ITGA8: variants seen among roughly 807,000 people sequenced by gnomAD.
The protein encoded by ITGA8 is integrin subunit alpha 8, also known as integrin alpha-8.
A neutral mutation model predicts 142.3 loss-of-function variants in ITGA8; 91 were observed. That is an observed-to-expected ratio of 0.64 (90% CI 0.54 to 0.76). ITGA8 has a LOEUF of 0.76. Ranked by LOEUF, ITGA8 falls within the 30% of genes least tolerant of loss-of-function variation. The pLI is 0.00. For synonymous variants in ITGA8, 505 were observed against 485.2 expected (o/e 1.04, Z -0.54); for missense variants, 1,406 against 1,327.7 (o/e 1.06, Z -0.92).
At chr10:15,631,451 C>A (rs920304751) in intron 13 of ITGA8, among the ~76,000 whole-genome samples, 1 of 151,842 alleles carries the variant, frequency 6.6e-6, no homozygotes, top group African/African-American at 2.4e-5. Flanking sequence ...TCATTCCTAG[C>A]AAACTAACAC....
chr10:15,541,659 A>T (rs1344790252), intron 27 of ITGA8, among the ~76,000 whole-genome samples: 2 of 152,204 alleles, frequency 1.3e-5, no homozygotes, highest in African/African-American at 2.4e-5. Flanking sequence ...CAGGTGATAC[A>T]AGGGCTGGGA....
rs543040708 is a variant in ITGA8, at chr10:15,552,627, T to G, written c.2767-4059A>C. ...GTATACATGTGCCATGGTGGTTTGC[T>G]GCACCTATCAACCCGTCATCTACAT... On this transcript the variant is annotated intron_variant, in intron 26 of 29. Coordinates refer to ENST00000378076, the MANE Select transcript of ITGA8 (RefSeq NM_003638.3). Among the ~76,000 whole-genome samples, 3 of 152,318 alleles carry G rather than the reference T, an allele frequency of 2.0e-5. No individual in the cohort carries two copies. The South Asian group carries it at 6.2e-4, about 32-fold the overall frequency.
chr10:15,538,404 T>C (rs7083592), intron 27 of ITGA8, among the ~76,000 whole-genome samples: 29,985 of 150,392 alleles, frequency 0.2, 4,003 homozygotes, highest in African/African-American at 0.38. Context: ...CCCAGCTACT[T>C]GGGAGGCTGA....
At chr10:15,626,197 T>C (rs1053456853) in intron 13 of ITGA8, among the ~76,000 whole-genome samples, 54 of 152,292 alleles carry the variant, frequency 3.5e-4, no homozygotes, top group Admixed American at 1.9e-3. Context: ...TAAAATCCAG[T>C]GCACTCTGGA....
intron 13 of ITGA8, among the ~76,000 whole-genome samples, chr10:15,616,968 T>C (rs933984174): frequency 2.6e-5 from 4 of 152,216 alleles, no homozygotes; most frequent in African/African-American, 7.2e-5. Flanking sequence ...AGGAAGGGTA[T>C]TAACCCAGAA....
chr10:15,530,540 T>TTAA (rs1833267140), intron 28 of ITGA8, among the ~76,000 whole-genome samples: 1 of 1,732 alleles, frequency 5.8e-4, no homozygotes, highest in African/African-American at 1.5e-3. Context: ...AGCGAGACTC[T>TTAA]CAAAAAAAAA....
In ITGA8 at chr10:15,514,169, G is replaced by A. The variant is rs914378030; in HGVS notation, c.*2989C>T. On this transcript the variant is annotated 3_prime_UTR_variant, in exon 30 of 30. Coordinates refer to ENST00000378076, the MANE Select transcript of ITGA8 (RefSeq NM_003638.3). ...ATTGTGTCTTAAAACCCAGCTGCAAGAATTTAAAAAGGGAATTCTTTGAAG... is the reference window on the plus strand; with the variant it reads ...ATTGTGTCTTAAAACCCAGCTGCAAAAATTTAAAAAGGGAATTCTTTGAAG... 3.9e-5 allele frequency: 6 copies of A among 152,102 alleles called. No individual in the cohort carries two copies. The East Asian group carries it at 1.2e-3, about 29-fold the overall frequency. 9.4% of individuals were successfully genotyped at this position (152,102 alleles called of 1,614,324 possible). A position where few individuals can be genotyped will look rare whatever the true frequency, so the allele number is the denominator to read the frequency against.
chr10:15,711,576 G>T (rs369851444), intron 2 of ITGA8, among the ~76,000 whole-genome samples: 2 of 151,678 alleles, frequency 1.3e-5, no homozygotes, highest in African/African-American at 2.4e-5. Context: ...GTGATCTACA[G>T]CATCATGGGT....
In ITGA8 at chr10:15,715,105, G is replaced by A. The variant is rs557374331; in HGVS notation, c.343+3661C>T. ...CAGAGAACTTTTCTTCCTTTTTTTCGGGGGAGAACAGTACGTTACTGGCAC... is the reference window on the plus strand; with the variant it reads ...CAGAGAACTTTTCTTCCTTTTTTTCAGGGGAGAACAGTACGTTACTGGCAC... On this transcript the variant is annotated intron_variant, in intron 2 of 29. Coordinates refer to ENST00000378076, the MANE Select transcript of ITGA8 (RefSeq NM_003638.3). 7.9e-5 allele frequency among the ~76,000 whole-genome samples: 12 copies of A among 151,774 alleles called. No homozygotes were observed. The South Asian group carries it at 1.7e-3, about 21-fold the overall frequency.
chr10:15,697,052 C>CACACACACAA (rs1446719537), intron 2 of ITGA8, among the ~76,000 whole-genome samples: 20 of 151,638 alleles, frequency 1.3e-4, no homozygotes, highest in Middle Eastern at 3.4e-3. Context: ...CTAAAACACA[C>CACACACACAA]ACACACACAC....
chr10:15,602,736 T>TG (rs1564369879), intron 20 of ITGA8, among the ~76,000 whole-genome samples: 78 of 119,716 alleles, frequency 6.5e-4, no homozygotes, highest in Non-Finnish European at 1.1e-3. Context: ...AGACCCTGTC[T>TG]CAAAAAAAAA....
chr10:15,533,141 A>AT (rs1219391750), intron 27 of ITGA8, among the ~76,000 whole-genome samples: 1 of 152,112 alleles, frequency 6.6e-6, no homozygotes, highest in African/African-American at 2.4e-5. Context: ...TTCCTTAAAT[A>AT]TTTTTTACAA....
intron 25 of ITGA8, among the ~76,000 whole-genome samples, chr10:15,571,116 T>C (rs1394067050): frequency 6.6e-6 from 1 of 152,232 alleles, no homozygotes; most frequent in African/African-American, 2.4e-5. Flanking sequence ...CAAGTGGCCT[T>C]ATGTATAATT....
chr10:15,644,802 G>C (rs900577726), intron 12 of ITGA8, among the ~76,000 whole-genome samples: 4 of 151,392 alleles, frequency 2.6e-5, no homozygotes, highest in South Asian at 4.2e-4. Context: ...TATTTATTAA[G>C]AGCCTCCAGG....
At chr10:15,622,608 AAAAAC>A (rs1833511389) in intron 13 of ITGA8, among the ~76,000 whole-genome samples, 7 of 151,286 alleles carry the variant, frequency 4.6e-5, no homozygotes, top group African/African-American at 1.5e-4. Context: ...AAAACAAAAA[AAAAAC>A]CACATGAGCA....
chr10:15,644,848 C>T (rs572893458), intron 12 of ITGA8, among the ~76,000 whole-genome samples: 2 of 151,832 alleles, frequency 1.3e-5, no homozygotes, highest in African/African-American at 4.8e-5. Context: ...AATCCCAGCA[C>T]TTTGGGAGGC....
At chr10:15,550,935 A>C (rs557418609) in intron 26 of ITGA8, among the ~76,000 whole-genome samples, 133 of 152,202 alleles carry the variant, frequency 8.7e-4, no homozygotes, top group African/African-American at 3.2e-3. Flanking sequence ...GAACTGAGGC[A>C]GTGGAAATGG....
chr10:15,519,175 T>C (rs774831636), intron 29 of ITGA8, 115 bp downstream of exon 29: 126 of 1,211,830 alleles, frequency 1.0e-4, no homozygotes, highest in Non-Finnish European at 1.4e-4. Context: ...CTTCAGACTG[T>C]TCAAAATTTC....
At chr10:15,706,538 T>C (rs79569736) in intron 2 of ITGA8, among the ~76,000 whole-genome samples, 2,652 of 152,242 alleles carry the variant, frequency 0.017, 84 homozygotes, top group African/African-American at 0.059. Context: ...ACTCCTGGGC[T>C]CAAGTGGTCT....
Sources: allele counts gnomAD v4.1 joint callset (sites outside exome capture counted in the v4.1 genomes callset), GRCh38; gene constraint gnomAD v4.1.1; transcripts MANE v1.5; gene names NCBI Gene and HGNC (gene_info 2026-07-23, HGNC 2026-07-21).